The following COX7B2 variants were observed in gnomAD, a reference collection of about 807,000 sequenced individuals.
The protein encoded by COX7B2 is cytochrome c oxidase subunit 7B2, also known as cytochrome c oxidase subunit 7B2, mitochondrial.
For missense variants in COX7B2, 109 were observed against 95.9 expected (o/e 1.14, Z -0.57); for synonymous variants, 37 against 32.1 (o/e 1.15, Z -0.51).
chr4:46,897,394 G>T (rs755756157), intron 1 of COX7B2, among the ~76,000 whole-genome samples: 9 of 152,284 alleles, frequency 5.9e-5, no homozygotes, highest in Non-Finnish European at 1.2e-4. Context: ...CTTTCTCTCT[G>T]TCTCAGGAGA....
At chr4:46,763,084 AT>A (rs1716308615) in intron 2 of COX7B2, among the ~76,000 whole-genome samples, 1 of 131,742 alleles carries the variant, frequency 7.6e-6, no homozygotes, top group East Asian at 2.0e-4. Context: ...TATATATTAC[AT>A]ATTATAATAT....
chr4:46,801,054 G>A (rs1718628852), intron 2 of COX7B2, among the ~76,000 whole-genome samples: 1 of 152,002 alleles, frequency 6.6e-6, no homozygotes, highest in Admixed American at 6.6e-5. Flanking sequence ...TCTCACACTA[G>A]TCAGAATGAC....
chr4:46,841,613 C>T (rs966703693), intron 2 of COX7B2, among the ~76,000 whole-genome samples: 3 of 151,874 alleles, frequency 2.0e-5, no homozygotes, highest in African/African-American at 4.8e-5. Flanking sequence ...AACAAGAAAA[C>T]AGTCACTCAG....
intron 2 of COX7B2, among the ~76,000 whole-genome samples, chr4:46,797,092 T>TAAAAAAA (rs762801656): frequency 1.1e-4 from 7 of 62,556 alleles, no homozygotes; most frequent in Admixed American, 2.1e-4. Context: ...TAGAGTATAA[T>TAAAAAAA]AAAAAAAAAA....
chr4:46,781,950 G>A (rs977782556), intron 2 of COX7B2, among the ~76,000 whole-genome samples: 5 of 152,154 alleles, frequency 3.3e-5, no homozygotes, highest in African/African-American at 7.2e-5. Flanking sequence ...CATCCCGCCC[G>A]GAGGGCTCCT....
chr4:46,841,333 C>CTGTGTGTGTG (rs1491098977), intron 2 of COX7B2, among the ~76,000 whole-genome samples: 5 of 112,924 alleles, frequency 4.4e-5, no homozygotes, highest in Non-Finnish European at 9.7e-5. Flanking sequence ...ACCAAATGTG[C>CTGTGTGTGTG]TCTGTGTGTG....
chr4:46,802,563 G>A (rs965777139), intron 2 of COX7B2, among the ~76,000 whole-genome samples: 7 of 152,054 alleles, frequency 4.6e-5, no homozygotes, highest in Non-Finnish European at 8.8e-5. Flanking sequence ...TCACCTTCCA[G>A]AAACATTGCT....
intron 2 of COX7B2, among the ~76,000 whole-genome samples, chr4:46,772,920 A>G (rs1577688116): frequency 6.6e-6 from 1 of 152,278 alleles, no homozygotes; most frequent in East Asian, 1.9e-4. Flanking sequence ...AATAAGACTT[A>G]AAAATATTTT....
chr4:46,815,154 C>T (rs1013960998), intron 2 of COX7B2, among the ~76,000 whole-genome samples: 16 of 146,416 alleles, frequency 1.1e-4, no homozygotes, highest in Non-Finnish European at 1.8e-4. Flanking sequence ...CCAGCCTAGG[C>T]GACAGATCGA....
chr4:46,743,668 T>C (rs1288501426), intron 2 of COX7B2, among the ~76,000 whole-genome samples: 2 of 152,218 alleles, frequency 1.3e-5, no homozygotes, highest in African/African-American at 2.4e-5. Context: ...ATTTTCTTTA[T>C]TGAAGTATTT....
chr4:46,784,608 G>A (rs1717655171), intron 2 of COX7B2, among the ~76,000 whole-genome samples: 1 of 152,140 alleles, frequency 6.6e-6, no homozygotes, highest in African/African-American at 2.4e-5. Context: ...CTGGGCGACA[G>A]GGCAAGACTG....
chr4:46,779,380 C>T (rs529880428), intron 2 of COX7B2, among the ~76,000 whole-genome samples: 10 of 152,046 alleles, frequency 6.6e-5, no homozygotes, highest in South Asian at 4.1e-4. Flanking sequence ...AATAATATTC[C>T]GTTGTGTATA....
chr4:46,743,307 C>CA (rs2109405325), intron 2 of COX7B2, among the ~76,000 whole-genome samples: 1 of 152,286 alleles, frequency 6.6e-6, no homozygotes, highest in Non-Finnish European at 1.5e-5. Flanking sequence ...TTCAAATCTT[C>CA]AGCTTTGCAG....
intron 2 of COX7B2, among the ~76,000 whole-genome samples, chr4:46,824,999 A>G (rs1369048678): frequency 6.6e-6 from 1 of 152,072 alleles, no homozygotes; most frequent in Non-Finnish European, 1.5e-5. Flanking sequence ...CCCTCTCATC[A>G]CTCATCTTCA....
chr4:46,802,926 C>T (rs1461864235), intron 2 of COX7B2, among the ~76,000 whole-genome samples: 1 of 152,106 alleles, frequency 6.6e-6, no homozygotes, highest in Non-Finnish European at 1.5e-5. Flanking sequence ...TAAAAATAGG[C>T]TTCCTGAGCT....
chr4:46,856,829 T>A (rs1214980740), intron 1 of COX7B2, among the ~76,000 whole-genome samples: 3 of 152,152 alleles, frequency 2.0e-5, no homozygotes. Context: ...GGTTTCTTTG[T>A]AGAGGCAAAG....
chr4:46,823,367 C>T (rs1205867908), intron 2 of COX7B2, among the ~76,000 whole-genome samples: 1 of 151,182 alleles, frequency 6.6e-6, no homozygotes, highest in African/African-American at 2.4e-5. Flanking sequence ...TCTCCTTGAC[C>T]ATATACTAAA....
chr4:46,773,427 T>C (rs945430379), intron 2 of COX7B2, among the ~76,000 whole-genome samples: 2 of 152,152 alleles, frequency 1.3e-5, no homozygotes, highest in African/African-American at 4.8e-5. Context: ...CCCTTCTGCA[T>C]GACTGTAAAC....
At chr4:46,782,076 C>T (rs989273552) in intron 2 of COX7B2, among the ~76,000 whole-genome samples, 7 of 152,174 alleles carry the variant, frequency 4.6e-5, no homozygotes, top group African/African-American at 1.2e-4. Context: ...GCAGCTCTGC[C>T]CATGGCCCCT....
Sources: gnomAD v4.1 joint callset for allele counts (sites outside exome capture counted in the v4.1 genomes callset) on GRCh38, gnomAD v4.1.1 for gene constraint, MANE v1.5 for transcripts, NCBI Gene and HGNC (gene_info 2026-07-23, HGNC 2026-07-21) for gene names.